Variants in NCOA3 observed in about 807,000 individuals in gnomAD.
NCOA3 encodes the protein nuclear receptor coactivator 3.
A neutral mutation model predicts 158.8 loss-of-function variants in NCOA3; 51 were observed. The ratio of observed to expected loss-of-function variants is 0.32; its 90% CI spans 0.26 to 0.41. NCOA3 has a LOEUF of 0.41. Among genes scored for constraint, NCOA3 ranks in the 10% least tolerant of loss-of-function variants. The pLI, the probability that NCOA3 is intolerant of heterozygous loss-of-function variation, is 1.00. For synonymous variants in NCOA3, 537 were observed against 592.4 expected (o/e 0.91, Z 1.36); for missense variants, 1,510 against 1,746.6 (o/e 0.86, Z 2.41).
chr20:47,563,849 ACTGCACTGTAGCCTG>A (rs2085147635), intron 1 of NCOA3, among the ~76,000 whole-genome samples: 1 of 149,412 alleles, frequency 6.7e-6, no homozygotes, highest in African/African-American at 2.5e-5. Flanking sequence ...AGATGGTGCC[ACTGCACTGTAGCCTG>A]GGCTACAGAG....
At chr20:47,551,441 A>G (rs2084925688) in intron 1 of NCOA3, among the ~76,000 whole-genome samples, 1 of 152,196 alleles carries the variant, frequency 6.6e-6, no homozygotes. Flanking sequence ...TACAACAACC[A>G]ACTTAATTTA....
intron 1 of NCOA3, among the ~76,000 whole-genome samples, chr20:47,534,026 C>A (rs1192438373): frequency 1.4e-5 from 2 of 138,068 alleles, no homozygotes; most frequent in Non-Finnish European, 3.0e-5. Context: ...ATGATTATGG[C>A]AAGAGAGGTG....
Position 47,635,800 on chromosome 20 carries a change from A to G in NCOA3, c.1504+87A>G, listed in dbSNP as rs180691665. The G allele has an allele frequency of 1.1e-5, 17 of 1,488,360 alleles. No individual in the cohort carries two copies. The East Asian group carries it at 1.6e-4, about 14-fold the overall frequency. The allele number at this position is 1,488,360 out of a possible 1,614,324, so 92.2% of individuals were successfully genotyped here. A position where few individuals can be genotyped will look rare whatever the true frequency, so the allele number is the denominator to read the frequency against. On this transcript the variant is annotated intron_variant, in intron 11 of 22. Coordinates refer to ENST00000371998, the MANE Select transcript of NCOA3 (RefSeq NM_181659.3). Reference sequence around the variant, plus strand: ...ACTATAATTCTTGTAAAGTTAATCTATTTTATAATAGAAACTTTGAAGAAT... The same window carrying G: ...ACTATAATTCTTGTAAAGTTAATCTGTTTTATAATAGAAACTTTGAAGAAT...
rs2146300978 is a variant in NCOA3, at chr20:47,624,100, T to C, written c.256+17T>C. On this transcript the variant is annotated intron_variant, in intron 4 of 22. Transcript: ENST00000371998. The stretch of plus-strand genomic sequence containing the variant: ...AAGAGCAAGGTAATAAAAACACTCA[T>C]GTCTTTTTGAACAGTGGTGGTTCCC... 1.3e-6 allele frequency: 2 copies of C among 1,590,288 alleles called. No homozygotes were observed. The highest frequency in any genetic ancestry group is 2.3e-5 in the South Asian group (2 of 88,380).
In NCOA3 at chr20:47,636,309, C is replaced by T. The variant is rs775583331; in HGVS notation, c.1923C>T (p.Pro641=). The T allele has an allele frequency of 1.1e-5, 18 of 1,614,026 alleles. No homozygotes were observed. The highest frequency in any genetic ancestry group is 3.3e-5 in the South Asian group (3 of 91,082). The change falls in exon 12 of 23, where the codon CCC becomes CCT. Residue 641 remains proline (P), a synonymous_variant. Coordinates refer to ENST00000371998, the MANE Select transcript of NCOA3 (RefSeq NM_181659.3). ...DRGHSSLTNS[P]LDSSCKESSV... ...GTCATTCCTCCTTGACCAACTCCCC[C>T]CTAGATTCAAGTTGTAAAGAATCTT...
In NCOA3 at chr20:47,530,504, C is replaced by T. The variant is rs538771974; in HGVS notation, c.-99+28485C>T. Among the ~76,000 whole-genome samples, 24 of 149,362 alleles carry T rather than the reference C, an allele frequency of 1.6e-4. 1 individual carries two copies. The highest frequency in any genetic ancestry group is 3.6e-3 in the Middle Eastern group (1 of 278). The stretch of plus-strand genomic sequence containing the variant: ...TTGAGACAGAGTCTTACTCTGTCAC[C>T]CAGGCTGTAGGGCCGTGGCACGATC... On this transcript the variant is annotated intron_variant, in intron 1 of 22. Transcript: ENST00000371998.
intron 1 of NCOA3, among the ~76,000 whole-genome samples, chr20:47,541,182 T>C (rs1325780168): frequency 6.6e-6 from 1 of 151,880 alleles, no homozygotes; most frequent in Non-Finnish European, 1.5e-5. Context: ...TCAATGTCAC[T>C]CTTGCCACGT....
At chr20:47,592,844 C>T (rs2085668720) in intron 2 of NCOA3, among the ~76,000 whole-genome samples, 2 of 152,228 alleles carry the variant, frequency 1.3e-5, no homozygotes, top group South Asian at 4.1e-4. Context: ...ATCCTGAAGT[C>T]AGTAATACCT....
At chr20:47,517,190 C>T (rs1279604359) in intron 1 of NCOA3, among the ~76,000 whole-genome samples, 2 of 152,150 alleles carry the variant, frequency 1.3e-5, no homozygotes, top group East Asian at 3.9e-4. Context: ...TGCACTCCAG[C>T]CTGGGTGACA....
chr20:47,583,324 T>C (rs2085482963), intron 2 of NCOA3, 63 bp downstream of exon 2: 3 of 397,442 alleles, frequency 7.5e-6, no homozygotes, highest in East Asian at 3.6e-5. Context: ...TCTGAAGATA[T>C]TACCCTCCTC....
intron 1 of NCOA3, among the ~76,000 whole-genome samples, chr20:47,535,134 C>T (rs939994232): frequency 6.6e-6 from 1 of 151,950 alleles, no homozygotes; most frequent in African/African-American, 2.4e-5. Flanking sequence ...AATCATGGCT[C>T]ACTGCAGCCT....
chr20:47,622,297 A>T lies in NCOA3; in HGVS notation c.50A>T (p.Lys17Ile). ...GATCCACTGGCCAGTGATTCACGAA[A>T]ACGCAAATTGCCATGTGATACTCCA... ...NLDPLASDSRKRKLPCDTPGQ... is the reference protein window; with the variant it reads ...NLDPLASDSRIRKLPCDTPGQ... The change falls in exon 3 of 23, where the codon AAA becomes ATA. Residue 17 changes from lysine (K) to isoleucine (I), a missense_variant. By Grantham distance (102) the Lys-to-Ile change is moderately radical (BLOSUM62 -3). Around this residue, in one of 4 missense-constraint regions of NCOA3, gnomAD observed 309 missense variants for 427.1 expected, o/e 0.72. Coordinates refer to ENST00000371998, the MANE Select transcript of NCOA3 (RefSeq NM_181659.3). 1 of 1,607,544 alleles carries T rather than the reference A, an allele frequency of 6.2e-7. No individual in the cohort carries two copies. Among genetic ancestry groups the T allele is most frequent in the Non-Finnish European group, 8.5e-7 (1 of 1,177,466 alleles).
At chr20:47,585,704 AC>A (rs2085524988) in intron 2 of NCOA3, among the ~76,000 whole-genome samples, 1 of 152,078 alleles carries the variant, frequency 6.6e-6, no homozygotes, top group Non-Finnish European at 1.5e-5. Flanking sequence ...CTAAATGTAT[AC>A]TTTTAGCCAA....
At chr20:47,532,151 C>G (rs1029984088) in intron 1 of NCOA3, among the ~76,000 whole-genome samples, 1 of 104,428 alleles carries the variant, frequency 9.6e-6, no homozygotes, top group Non-Finnish European at 1.9e-5. Flanking sequence ...GCAGGGTTTA[C>G]GTTTTAGATA....
intron 1 of NCOA3, among the ~76,000 whole-genome samples, chr20:47,521,237 AAG>A (rs746352606): frequency 2.6e-5 from 4 of 152,238 alleles, no homozygotes; most frequent in African/African-American, 7.2e-5. Flanking sequence ...ACCTCCTCAC[AAG>A]AGAGAACCAG....
chr20:47,637,548 T>C, intron 12 of NCOA3, 100 bp from the exon 13 acceptor site: 1 of 993,718 alleles, frequency 1.0e-6, no homozygotes, highest in Non-Finnish European at 1.4e-6. Flanking sequence ...TTTTTGTATT[T>C]TACTTGCTTC....
At position 47,635,410 on chromosome 20, in the gene NCOA3, A is replaced by G. The variant is rs1568743533; in HGVS notation, c.1201A>G (p.Met401Val). 6.2e-7 allele frequency: 1 copy of G among 1,614,198 alleles called. No individual in the cohort carries two copies. Among genetic ancestry groups the G allele is most frequent in the Middle Eastern group, 1.6e-4 (1 of 6,062 alleles). ...TGGATGCAACAGTTCGGTAGGCGGC[A>G]TGAGTATGTCGCCAAACCAAGGCTT... ...MAGCNSSVGGMSMSPNQGLQM... is the reference protein window; with the variant it reads ...MAGCNSSVGGVSMSPNQGLQM... Residue 401 changes from methionine (M) to valine (V), a missense_variant, in exon 11 of 23, where the codon ATG (methionine) becomes GTG (valine). Transcript: ENST00000371998.
intron 1 of NCOA3, among the ~76,000 whole-genome samples, chr20:47,573,563 C>T (rs552069519): frequency 3.9e-5 from 6 of 152,250 alleles, no homozygotes; most frequent in African/African-American, 1.4e-4. Flanking sequence ...GTAGACTTAC[C>T]TGAAGCAGGG....
At chr20:47,558,232 A>ATTTTTTTTTTTTTTTT (rs71183263) in intron 1 of NCOA3, among the ~76,000 whole-genome samples, 13 of 55,526 alleles carry the variant, frequency 2.3e-4, no homozygotes, top group African/African-American at 8.4e-4. Context: ...CTAATTTTGT[A>ATTTTTTTTTTTTTTTT]TTTTTTTTTT....
Sources: gnomAD v4.1 joint callset for allele counts (sites outside exome capture counted in the v4.1 genomes callset) on GRCh38, gnomAD v4.1.1 for gene constraint, gnomAD v4.1.1 regional missense constraint, MANE v1.5 for transcripts, NCBI Gene and HGNC (gene_info 2026-07-23, HGNC 2026-07-21) for gene names.